Variants in CHRM3 observed in about 807,000 individuals in gnomAD.
CHRM3 encodes the protein muscarinic acetylcholine receptor M3.
In CHRM3, 11 loss-of-function variants were observed where a neutral mutation model predicts 41.8. That is an observed-to-expected ratio of 0.26 (90% CI 0.17 to 0.44). The LOEUF is 0.44. CHRM3 is among the 20% of genes least tolerant of loss of function. The pLI is 1.00. For synonymous variants in CHRM3, 297 were observed against 301.4 expected (o/e 0.99, Z 0.15); for missense variants, 571 against 745.4 (o/e 0.77, Z 2.72).
intron 5 of CHRM3, among the ~76,000 whole-genome samples, chr1:239,733,533 C>T (rs1445216789): frequency 6.6e-6 from 1 of 151,898 alleles, no homozygotes; most frequent in Non-Finnish European, 1.5e-5. Context: ...GTTAGGTAGT[C>T]ACAAACTAGA....
intron 3 of CHRM3, among the ~76,000 whole-genome samples, chr1:239,587,559 T>A (rs369379177): frequency 2.1e-4 from 32 of 152,324 alleles, no homozygotes; most frequent in African/African-American, 7.0e-4. Flanking sequence ...GGGGCAATTT[T>A]AAGCCAACTG....
chr1:239,404,402 A>AG (rs1660326736), intron 1 of CHRM3, among the ~76,000 whole-genome samples: 1 of 64,710 alleles, frequency 1.5e-5, no homozygotes, highest in Admixed American at 1.9e-4. Context: ...GAAAGAAAGA[A>AG]AGAAAGAAAA....
chr1:239,670,681 C>T (rs1219159671), intron 4 of CHRM3, among the ~76,000 whole-genome samples: 1 of 152,074 alleles, frequency 6.6e-6, no homozygotes, highest in Non-Finnish European at 1.5e-5. Flanking sequence ...GCGTGCTCCA[C>T]CACACCCAGC....
intron 1 of CHRM3, among the ~76,000 whole-genome samples, chr1:239,392,032 G>A (rs1449798404): frequency 6.6e-6 from 1 of 152,176 alleles, no homozygotes; most frequent in Non-Finnish European, 1.5e-5. Context: ...ATTTTATTGA[G>A]TTTTCAATTT....
chr1:239,716,964 ATAG>A (rs1204534351), intron 5 of CHRM3, among the ~76,000 whole-genome samples: 5 of 152,096 alleles, frequency 3.3e-5, no homozygotes, highest in African/African-American at 1.2e-4. Flanking sequence ...GTTCCAGATA[ATAG>A]TTATGAGATG....
rs1658496610 is a variant in CHRM3 at position 239,539,206 on chromosome 1, T to A, written c.-421-6435T>A. 2.0e-5 allele frequency among the ~76,000 whole-genome samples: 3 copies of A among 152,204 alleles called. No individual in the cohort carries two copies. The South Asian group carries it at 6.2e-4, about 32-fold the overall frequency. On this transcript the variant is annotated intron_variant, in intron 2 of 6. Coordinates refer to ENST00000676153, the MANE Select transcript of CHRM3 (RefSeq NM_001375978.1). ...GGTTCAAGGTCATTTTTCTGTACCTTCTTTGTTAAAAGATGCTTTGATTAC... is the reference window on the plus strand; with the variant it reads ...GGTTCAAGGTCATTTTTCTGTACCTACTTTGTTAAAAGATGCTTTGATTAC...
At chr1:239,853,417 A>G (rs781604468) in intron 6 of CHRM3, among the ~76,000 whole-genome samples, 1 of 151,912 alleles carries the variant, frequency 6.6e-6, no homozygotes, top group Non-Finnish European at 1.5e-5. Context: ...TTCAATGCCA[A>G]CAGTTGTCAG....
intron 1 of CHRM3, among the ~76,000 whole-genome samples, chr1:239,428,240 T>G (rs995532112): frequency 2.6e-5 from 4 of 152,182 alleles, no homozygotes; most frequent in African/African-American, 9.7e-5. Flanking sequence ...GCAGCTCCCT[T>G]AGGGTCTGAC....
intron 5 of CHRM3, among the ~76,000 whole-genome samples, chr1:239,812,814 G>A (rs576895962): frequency 5.9e-5 from 9 of 152,308 alleles, no homozygotes; most frequent in Admixed American, 2.0e-4. Flanking sequence ...ATCTACTGAT[G>A]AGGCACAAGG....
At chr1:239,660,528 C>T (rs1228098903) in intron 4 of CHRM3, among the ~76,000 whole-genome samples, 1 of 152,020 alleles carries the variant, frequency 6.6e-6, no homozygotes, top group East Asian at 1.9e-4. Context: ...TCTTATTGAA[C>T]ACTTACTATA....
chr1:239,873,786 G>A (rs912410779), intron 6 of CHRM3, among the ~76,000 whole-genome samples: 14 of 152,022 alleles, frequency 9.2e-5, no homozygotes, highest in Non-Finnish European at 1.3e-4. Context: ...TACTTGCCTC[G>A]TTTTCCTCTG....
At chr1:239,762,593 G>T (rs1307756247) in intron 5 of CHRM3, among the ~76,000 whole-genome samples, 1 of 152,124 alleles carries the variant, frequency 6.6e-6, no homozygotes, top group Non-Finnish European at 1.5e-5. Context: ...CTTTCACTCT[G>T]CTTTCTCCCC....
intron 1 of CHRM3, among the ~76,000 whole-genome samples, chr1:239,479,109 A>G (rs998697005): frequency 2.6e-5 from 4 of 151,588 alleles, no homozygotes; most frequent in Non-Finnish European, 4.4e-5. Flanking sequence ...GTTTGAACCC[A>G]GGAGGTGGAA....
At position 239,537,044 on chromosome 1, in the gene CHRM3, T is replaced by C. The variant is rs541233298; in HGVS notation, c.-421-8597T>C. On this transcript the variant is annotated intron_variant, in intron 2 of 6. Transcript: ENST00000676153. ...GGTCTCTATCTTTGAGTCTTCAGCA[T>C]GTTTTAAATGCCTGAGGTATTCTTA... is the stretch of plus-strand genomic sequence containing the variant. Among the ~76,000 whole-genome samples the C allele has an allele frequency of 4.6e-5, 7 of 152,292 alleles. 1 individual carries two copies. The highest frequency in any genetic ancestry group is 5.9e-5 in the Non-Finnish European group (4 of 68,010).
intron 1 of CHRM3, among the ~76,000 whole-genome samples, chr1:239,476,367 G>A (rs2147972152): frequency 6.6e-6 from 1 of 151,780 alleles, no homozygotes; most frequent in South Asian, 2.1e-4. Context: ...TTGGGGGGCT[G>A]AGGCAGGAGA....
At chr1:239,487,108 G>A (rs1316253696) in intron 1 of CHRM3, among the ~76,000 whole-genome samples, 3 of 151,980 alleles carry the variant, frequency 2.0e-5, no homozygotes, top group Non-Finnish European at 4.4e-5. Context: ...TATGAAACTC[G>A]ATATAGAAAA....
At chr1:239,502,629 C>G (rs1210008161) in intron 2 of CHRM3, among the ~76,000 whole-genome samples, 3 of 151,914 alleles carry the variant, frequency 2.0e-5, no homozygotes, top group African/African-American at 4.8e-5. Flanking sequence ...AGGACATAAC[C>G]AAAAAAGAAA....
At chr1:239,491,920 C>G (rs1558263473) in intron 1 of CHRM3, among the ~76,000 whole-genome samples, 1 of 152,136 alleles carries the variant, frequency 6.6e-6, no homozygotes, top group Non-Finnish European at 1.5e-5. Flanking sequence ...GAAGCAAGTA[C>G]AACATCAAAT....
intron 2 of CHRM3, among the ~76,000 whole-genome samples, chr1:239,509,486 A>C (rs1668784439): frequency 6.6e-6 from 1 of 152,128 alleles, no homozygotes; most frequent in Admixed American, 6.6e-5. Flanking sequence ...GTTTCCCTCA[A>C]GGTAGAGCTG....
Sources: allele counts gnomAD v4.1 joint callset (sites outside exome capture counted in the v4.1 genomes callset), GRCh38; gene constraint gnomAD v4.1.1; transcripts MANE v1.5; gene names NCBI Gene and HGNC (gene_info 2026-07-23, HGNC 2026-07-21).